The following LRRC4C variants were observed in gnomAD, a reference collection of about 807,000 sequenced individuals.
LRRC4C encodes leucine-rich repeat-containing protein 4C.
In LRRC4C, 5 loss-of-function variants were observed where a neutral mutation model predicts 33.6. That is an observed-to-expected ratio of 0.15 (90% CI 0.08 to 0.31). The LOEUF (loss-of-function observed/expected upper bound fraction) is 0.31, where lower values mean the gene tolerates loss of function less well. Ranked by LOEUF, LRRC4C falls within the 10% of genes least tolerant of loss-of-function variation. LRRC4C has a pLI of 1.00. For synonymous variants in LRRC4C, 329 were observed against 302.0 expected (o/e 1.09, Z -0.93); for missense variants, 560 against 796.7 (o/e 0.70, Z 3.58).
chr11:41,256,006 A>T (rs980313152), intron 1 of LRRC4C, among the ~76,000 whole-genome samples: 1 of 152,040 alleles, frequency 6.6e-6, no homozygotes, highest in African/African-American at 2.4e-5. Context: ...ACTTCTTTGG[A>T]GTATCTGTAA....
chr11:41,287,943 C>T (rs1183425327), intron 1 of LRRC4C, among the ~76,000 whole-genome samples: 1 of 152,130 alleles, frequency 6.6e-6, no homozygotes, highest in Non-Finnish European at 1.5e-5. Flanking sequence ...ATGATTTATA[C>T]TTGTTATGCA....
intron 2 of LRRC4C, among the ~76,000 whole-genome samples, chr11:40,822,745 C>G (rs1252237767): frequency 6.6e-6 from 1 of 151,600 alleles, no homozygotes; most frequent in Non-Finnish European, 1.5e-5. Flanking sequence ...AAAATTTGCC[C>G]AAATCAATTT....
intron 2 of LRRC4C, among the ~76,000 whole-genome samples, chr11:40,756,276 T>C (rs186131868): frequency 3.9e-5 from 6 of 152,212 alleles, no homozygotes; most frequent in Admixed American, 1.3e-4. Context: ...CCTATCAAAC[T>C]AATACATCAC....
At chr11:41,042,629 A>T (rs1857508274) in intron 1 of LRRC4C, among the ~76,000 whole-genome samples, 1 of 152,000 alleles carries the variant, frequency 6.6e-6, no homozygotes, top group African/African-American at 2.4e-5. Flanking sequence ...CACTCACATC[A>T]ATTTTGTCTT....
intron 1 of LRRC4C, among the ~76,000 whole-genome samples, chr11:41,117,288 A>G (rs1245694908): frequency 6.6e-6 from 1 of 152,176 alleles, no homozygotes. Context: ...CTCTGTTTGT[A>G]GCCACTTGCC....
In LRRC4C at chr11:41,297,177, T is replaced by C. The variant is rs147041187; in HGVS notation, c.-496+162254A>G. On this transcript the variant is annotated intron_variant, in intron 1 of 6. Transcript: ENST00000528697. ...TATTTTTCATTCCATTAATGAAATG[T>C]ATCACATTGATTAATTTGTGTATTT... Among the ~76,000 whole-genome samples the C allele has an allele frequency of 9.3e-4, 141 of 152,336 alleles. 1 individual carries two copies. The Middle Eastern group carries it at 0.017, about 18-fold the overall frequency.
chr11:40,287,556 G>A (rs549874058), intron 4 of LRRC4C, among the ~76,000 whole-genome samples: 62 of 152,180 alleles, frequency 4.1e-4, no homozygotes, highest in African/African-American at 1.3e-3. Context: ...TAAGCACAGT[G>A]TCTCAGCCAC....
chr11:41,113,842 T>C (rs569328379), intron 1 of LRRC4C, among the ~76,000 whole-genome samples: 6 of 151,992 alleles, frequency 3.9e-5, no homozygotes, highest in Non-Finnish European at 7.4e-5. Context: ...TGGAAACACA[T>C]AAAGTGGCAG....
At chr11:41,024,090 T>C (rs528209785) in intron 1 of LRRC4C, among the ~76,000 whole-genome samples, 2 of 151,762 alleles carry the variant, frequency 1.3e-5, no homozygotes, top group South Asian at 4.2e-4. Flanking sequence ...ATCCAAATTA[T>C]ATAGATAGTC....
intron 2 of LRRC4C, among the ~76,000 whole-genome samples, chr11:40,870,477 A>G (rs963998812): frequency 6.6e-6 from 1 of 152,194 alleles, no homozygotes; most frequent in Non-Finnish European, 1.5e-5. Flanking sequence ...GGAACCCCAA[A>G]CGGAGGGACT....
intron 4 of LRRC4C, among the ~76,000 whole-genome samples, chr11:40,254,551 C>T (rs1412862332): frequency 6.6e-6 from 1 of 152,112 alleles, no homozygotes; most frequent in Admixed American, 6.5e-5. Flanking sequence ...TCTATCTATT[C>T]AACTCCTCCT....
intron 3 of LRRC4C, among the ~76,000 whole-genome samples, chr11:40,356,584 T>G (rs1947682401): frequency 6.6e-6 from 1 of 152,094 alleles, no homozygotes; most frequent in South Asian, 2.1e-4. Context: ...GGTCATTAGG[T>G]GATCTCATTC....
At chr11:40,234,375 C>T (rs721588) in intron 5 of LRRC4C, among the ~76,000 whole-genome samples, 116,114 of 151,974 alleles carry the variant, frequency 0.76, 48,695 homozygotes, top group East Asian at 0.96. Context: ...GTCAAAACCC[C>T]GAGCCCCAGA....
At chr11:40,615,434 CATAA>C (rs1565562156) in intron 3 of LRRC4C, among the ~76,000 whole-genome samples, 1 of 151,280 alleles carries the variant, frequency 6.6e-6, no homozygotes, top group Non-Finnish European at 1.5e-5. Context: ...TGATTATCTT[CATAA>C]ATATTTGGTC....
intron 3 of LRRC4C, among the ~76,000 whole-genome samples, chr11:40,425,777 C>T (rs900978253): frequency 3.3e-5 from 5 of 152,338 alleles, no homozygotes; most frequent in South Asian, 4.1e-4. Context: ...AACTCTTTCT[C>T]ATGTCAGAAA....
intron 3 of LRRC4C, among the ~76,000 whole-genome samples, chr11:40,537,035 G>T (rs76772296): frequency 0.014 from 2,163 of 152,274 alleles, 55 homozygotes; most frequent in African/African-American, 0.049. Context: ...TAACAAATAC[G>T]TGTTTAATGT....
chr11:40,154,311 C>CAAAAAAAAAA (rs1858495192), intron 5 of LRRC4C, among the ~76,000 whole-genome samples: 2 of 137,654 alleles, frequency 1.5e-5, no homozygotes, highest in African/African-American at 5.4e-5. Context: ...AAACAAAAAG[C>CAAAAAAAAAA]AAAGTACACA....
chr11:40,871,495 C>T (rs1248253378), intron 2 of LRRC4C, among the ~76,000 whole-genome samples: 2 of 152,118 alleles, frequency 1.3e-5, no homozygotes, highest in African/African-American at 4.8e-5. Flanking sequence ...AAAGAACCTA[C>T]GTGACTATTG....
At chr11:40,670,356 G>T (rs1944028273) in intron 2 of LRRC4C, among the ~76,000 whole-genome samples, 5 of 152,116 alleles carry the variant, frequency 3.3e-5, no homozygotes, top group Admixed American at 3.3e-4. Context: ...AATCCTTGTG[G>T]CTACATGTAG....
Sources: allele counts gnomAD v4.1 joint callset (sites outside exome capture counted in the v4.1 genomes callset), GRCh38; gene constraint gnomAD v4.1.1; transcripts MANE v1.5; gene names NCBI Gene and HGNC (gene_info 2026-07-23, HGNC 2026-07-21).